Variants in NOS1AP observed in about 807,000 individuals in gnomAD.
NOS1AP encodes the protein carboxyl-terminal PDZ ligand of neuronal nitric oxide synthase protein.
In NOS1AP, 21 loss-of-function variants were observed where a neutral mutation model predicts 56.2. The observed-to-expected ratio is 0.37, with a 90% confidence interval of 0.26 to 0.54. The LOEUF (loss-of-function observed/expected upper bound fraction) is 0.54, where lower values mean the gene tolerates loss of function less well. Among genes scored for constraint, NOS1AP ranks in the 20% least tolerant of loss-of-function variants. NOS1AP has a pLI of 0.84. For missense variants in NOS1AP, 522 were observed against 657.8 expected (o/e 0.79, Z 2.26); for synonymous variants, 270 against 274.6 (o/e 0.98, Z 0.17).
At position 162,078,550 on chromosome 1, in the gene NOS1AP, C is replaced by T. The variant is rs564420509; in HGVS notation, c.105+8268C>T. Among the ~76,000 whole-genome samples the T allele has an allele frequency of 1.2e-3, 181 of 152,218 alleles. 1 individual carries two copies. Among genetic ancestry groups the T allele is most frequent in the Middle Eastern group, 6.8e-3 (2 of 294 alleles). On this transcript the variant is annotated intron_variant, in intron 1 of 9. Transcript: ENST00000361897. ...CATCACCCGTTCAGATGCTCCACCC[C>T]CTCCCCTGTTATCAGGGCCATCAAT...
chr1:162,307,127 G>A (rs751423027), intron 4 of NOS1AP, among the ~76,000 whole-genome samples: 1 of 152,160 alleles, frequency 6.6e-6, no homozygotes, highest in Non-Finnish European at 1.5e-5. Context: ...TCAAGGGCAT[G>A]CTTCCTAGAA....
chr1:162,189,238 A>G (rs1320070137), intron 2 of NOS1AP, among the ~76,000 whole-genome samples: 2 of 152,214 alleles, frequency 1.3e-5, no homozygotes, highest in Non-Finnish European at 2.9e-5. Context: ...AACTACCCAG[A>G]AATTGTCACT....
chr1:162,355,499 A>G, intron 7 of NOS1AP, 146 bp downstream of exon 7: 1 of 982,438 alleles, frequency 1.0e-6, no homozygotes, highest in Non-Finnish European at 1.6e-6. Flanking sequence ...TGCCTTTCAG[A>G]AGGTCTGACT....
intron 4 of NOS1AP, among the ~76,000 whole-genome samples, chr1:162,302,963 T>C (rs1655711547): frequency 6.6e-6 from 1 of 152,224 alleles, no homozygotes; most frequent in Non-Finnish European, 1.5e-5. Flanking sequence ...GCATAATTTA[T>C]TTTGAGATTC....
chr1:162,277,562 C>T (rs1654781795), intron 2 of NOS1AP, among the ~76,000 whole-genome samples: 1 of 152,170 alleles, frequency 6.6e-6, no homozygotes, highest in South Asian at 2.1e-4. Flanking sequence ...ATCTCTTGCT[C>T]ATCATGTTAG....
chr1:162,195,917 A>G (rs1651790466), intron 2 of NOS1AP, among the ~76,000 whole-genome samples: 1 of 152,214 alleles, frequency 6.6e-6, no homozygotes, highest in Non-Finnish European at 1.5e-5. Flanking sequence ...TACCCATTAT[A>G]TGTCATGGTC....
intron 2 of NOS1AP, among the ~76,000 whole-genome samples, chr1:162,179,621 T>G (rs1477122093): frequency 6.6e-6 from 1 of 152,158 alleles, no homozygotes; most frequent in African/African-American, 2.4e-5. Context: ...TGAAGCTTCT[T>G]GAGAAAGTCC....
intron 8 of NOS1AP, 185 bp from the exon 9 acceptor site, chr1:162,365,219 C>T: frequency 1.4e-6 from 2 of 1,458,586 alleles, no homozygotes; most frequent in Non-Finnish European, 1.8e-6. Flanking sequence ...CCAGTGAACC[C>T]ACTCCTTTTG....
chr1:162,246,189 A>G (rs753271606), intron 2 of NOS1AP, among the ~76,000 whole-genome samples: 1 of 152,208 alleles, frequency 6.6e-6, no homozygotes, highest in Non-Finnish European at 1.5e-5. Flanking sequence ...TTGTTGTAGA[A>G]TCCATTTTTT....
chr1:162,285,496 T>G (rs6680461), intron 2 of NOS1AP, among the ~76,000 whole-genome samples: 43,906 of 152,026 alleles, frequency 0.29, 6,759 homozygotes, highest in East Asian at 0.59. Context: ...TGTCCTCAAG[T>G]GCATGCCAAT....
intron 2 of NOS1AP, among the ~76,000 whole-genome samples, chr1:162,177,556 G>C (rs1209672911): frequency 6.6e-6 from 1 of 151,966 alleles, no homozygotes; most frequent in Admixed American, 6.5e-5. Flanking sequence ...CAGTTTGCGG[G>C]GCAGCTCTCT....
chr1:162,190,757 C>G (rs1033339053), intron 2 of NOS1AP, among the ~76,000 whole-genome samples: 1 of 150,560 alleles, frequency 6.6e-6, no homozygotes, highest in African/African-American at 2.5e-5. Flanking sequence ...CCCTATTACC[C>G]TCTTCCCCCT....
At chr1:162,156,500 A>C (rs1279728107) in intron 2 of NOS1AP, among the ~76,000 whole-genome samples, 1 of 152,130 alleles carries the variant, frequency 6.6e-6, no homozygotes, top group Non-Finnish European at 1.5e-5. Context: ...GAGGTGTTAC[A>C]GTTGTTAGGA....
intron 1 of NOS1AP, among the ~76,000 whole-genome samples, chr1:162,103,830 C>T (rs575191147): frequency 2.0e-5 from 3 of 151,188 alleles, no homozygotes; most frequent in African/African-American, 7.2e-5. Context: ...TGTCTTTGCA[C>T]ACAGCATACC....
At chr1:162,337,274 C>T (rs781604685) in intron 5 of NOS1AP, among the ~76,000 whole-genome samples, 7 of 152,116 alleles carry the variant, frequency 4.6e-5, no homozygotes, top group African/African-American at 1.7e-4. Flanking sequence ...AATCACAGCT[C>T]GATTGGTTTG....
intron 1 of NOS1AP, among the ~76,000 whole-genome samples, chr1:162,104,713 T>C (rs765670459): frequency 3.3e-5 from 5 of 152,346 alleles, no homozygotes; most frequent in Non-Finnish European, 5.9e-5. Flanking sequence ...ATACTTGTCA[T>C]TGCATTGTGA....
chr1:162,281,118 G>T (rs935820525), intron 2 of NOS1AP, among the ~76,000 whole-genome samples: 4 of 152,158 alleles, frequency 2.6e-5, no homozygotes, highest in Non-Finnish European at 5.9e-5. Context: ...GGCCAATAAT[G>T]ACAGCTCTAC....
intron 1 of NOS1AP, among the ~76,000 whole-genome samples, chr1:162,098,511 TAA>T (rs1692302185): frequency 6.6e-6 from 1 of 150,732 alleles, no homozygotes. Context: ...TTTTTTTCTC[TAA>T]CTTTTATTTT....
intron 2 of NOS1AP, among the ~76,000 whole-genome samples, chr1:162,217,740 T>G (rs1652631487): frequency 6.6e-6 from 1 of 152,182 alleles, no homozygotes. Flanking sequence ...TACACCTTTC[T>G]CTTTATCCTG....
Sources: allele counts gnomAD v4.1 joint callset (sites outside exome capture counted in the v4.1 genomes callset), GRCh38; gene constraint gnomAD v4.1.1; transcripts MANE v1.5; gene names NCBI Gene and HGNC (gene_info 2026-07-23, HGNC 2026-07-21).